NCKAP5: variants seen among roughly 807,000 people sequenced by gnomAD.
The protein encoded by NCKAP5 is NCK associated protein 5.
In NCKAP5, 92 loss-of-function variants were observed where a neutral mutation model predicts 167.0. The observed-to-expected ratio is 0.55, with a 90% CI of 0.47 to 0.66. The LOEUF is 0.66. Ranked by LOEUF, NCKAP5 falls within the 30% of genes least tolerant of loss-of-function variation. The pLI, the probability that NCKAP5 is intolerant of heterozygous loss-of-function variation, is 0.00. For missense variants in NCKAP5, 2,378 were observed against 2,315.0 expected, an observed-to-expected ratio of 1.03 and a Z score of -0.56; for synonymous variants, 891 against 877.4, an observed-to-expected ratio of 1.02 and a Z score of -0.27.
the NCKAP5 span, among the ~76,000 whole-genome samples, chr2:133,611,919 T>C: frequency 6.6e-6 from 1 of 152,210 alleles, no homozygotes; most frequent in Non-Finnish European, 1.5e-5. Flanking sequence ...AAAATATGGA[T>C]GTACTTTGGA....
At chr2:133,546,748 A>G (rs1686718141) in intron 2 of NCKAP5, among the ~76,000 whole-genome samples, 1 of 152,224 alleles carries the variant, frequency 6.6e-6, no homozygotes, top group African/African-American at 2.4e-5. Context: ...AAACTCTGAG[A>G]GACATAATGA....
At chr2:133,096,940 C>T (rs1374498603) in intron 6 of NCKAP5, among the ~76,000 whole-genome samples, 2 of 152,174 alleles carry the variant, frequency 1.3e-5, no homozygotes, top group African/African-American at 4.8e-5. Context: ...TAAGCAGAGA[C>T]TCTCTATACA....
At chr2:133,396,502 C>T (rs368817520) in intron 3 of NCKAP5, among the ~76,000 whole-genome samples, 10 of 152,232 alleles carry the variant, frequency 6.6e-5, no homozygotes, top group African/African-American at 2.4e-4. Flanking sequence ...TTTGAAGATA[C>T]TAGTTAAGAC....
chr2:132,728,487 GA>G (rs140854508), intron 18 of NCKAP5, among the ~76,000 whole-genome samples: 1 of 152,120 alleles, frequency 6.6e-6, no homozygotes, highest in Non-Finnish European at 1.5e-5. Context: ...TGAAAAAATA[GA>G]AAAAACATCA....
At chr2:132,696,611 TGTA>T (rs1352868772) in intron 19 of NCKAP5, among the ~76,000 whole-genome samples, 1 of 152,198 alleles carries the variant, frequency 6.6e-6, no homozygotes, top group African/African-American at 2.4e-5. Context: ...TTCCAGAGCC[TGTA>T]GTCTTTTCAC....
At chr2:133,434,628 C>T (rs1690359023) in intron 3 of NCKAP5, among the ~76,000 whole-genome samples, 1 of 152,182 alleles carries the variant, frequency 6.6e-6, no homozygotes, top group South Asian at 2.1e-4. Flanking sequence ...TACAATAGTG[C>T]CAGGCACATG....
the NCKAP5 span, among the ~76,000 whole-genome samples, chr2:133,574,638 A>G: frequency 6.8e-6 from 1 of 147,908 alleles, no homozygotes; most frequent in South Asian, 2.1e-4. Context: ...CACACACACA[A>G]GCACATGTGC....
At chr2:133,480,368 CCAG>C (rs1680317346) in intron 3 of NCKAP5, among the ~76,000 whole-genome samples, 1 of 152,198 alleles carries the variant, frequency 6.6e-6, no homozygotes, top group Admixed American at 6.5e-5. Context: ...CAAACACACT[CCAG>C]CTTCTGTGAA....
intron 5 of NCKAP5, among the ~76,000 whole-genome samples, chr2:133,157,951 T>C (rs1045464163): frequency 6.6e-6 from 1 of 152,200 alleles, no homozygotes; most frequent in Non-Finnish European, 1.5e-5. Flanking sequence ...GTTAATTCTC[T>C]ACCTCATGAA....
At chr2:133,447,518 T>TC (rs1691277867) in intron 3 of NCKAP5, among the ~76,000 whole-genome samples, 1 of 143,488 alleles carries the variant, frequency 7.0e-6, no homozygotes, top group Non-Finnish European at 1.5e-5. Flanking sequence ...CCCCTTCCTT[T>TC]CCCTTCCTTT....
chr2:133,138,537 A>G (rs1574150266), intron 5 of NCKAP5, among the ~76,000 whole-genome samples: 1 of 152,198 alleles, frequency 6.6e-6, no homozygotes, highest in Non-Finnish European at 1.5e-5. Context: ...TGTCATTTTC[A>G]CATCATGATT....
the NCKAP5 span, among the ~76,000 whole-genome samples, chr2:133,645,017 C>T: frequency 6.6e-6 from 1 of 152,054 alleles, no homozygotes; most frequent in Non-Finnish European, 1.5e-5. Flanking sequence ...GTGGCAGCTG[C>T]AAAGGGAACT....
chr2:133,220,198 T>C (rs957025767), intron 4 of NCKAP5, among the ~76,000 whole-genome samples: 1 of 152,236 alleles, frequency 6.6e-6, no homozygotes, highest in Non-Finnish European at 1.5e-5. Flanking sequence ...CATCACTGTT[T>C]TGTTTTGTTT....
At chr2:132,853,749 A>G (rs1187147430) in intron 11 of NCKAP5, among the ~76,000 whole-genome samples, 1 of 152,206 alleles carries the variant, frequency 6.6e-6, no homozygotes, top group Non-Finnish European at 1.5e-5. Context: ...CAATTCCAAG[A>G]CAGAACCTAT....
At chr2:132,849,292 G>A (rs1688905740) in intron 11 of NCKAP5, among the ~76,000 whole-genome samples, 1 of 151,980 alleles carries the variant, frequency 6.6e-6, no homozygotes. Flanking sequence ...CTTAATCCAG[G>A]GCATTTCCAA....
chr2:132,903,045 T>G lies in NCKAP5; in HGVS notation c.580-24129A>C, dbSNP rs919250710. Among the ~76,000 whole-genome samples, 28 of 152,078 alleles carry G rather than the reference T, an allele frequency of 1.8e-4. 1 individual carries two copies. Among genetic ancestry groups the G allele is most frequent in the Non-Finnish European group, 1.5e-5 (1 of 68,018 alleles). ...GCCTCTTTACCATTCAGTTTCCCAATCTATAAAATGAGAGTAAAAACAGTA... is the reference window on the plus strand; with the variant it reads ...GCCTCTTTACCATTCAGTTTCCCAAGCTATAAAATGAGAGTAAAAACAGTA... On this transcript the variant is annotated intron_variant, in intron 8 of 19. Coordinates refer to ENST00000409261, the MANE Select transcript of NCKAP5 (RefSeq NM_207363.3).
intron 3 of NCKAP5, among the ~76,000 whole-genome samples, chr2:133,504,155 A>G (rs1045175189): frequency 3.9e-5 from 6 of 151,992 alleles, no homozygotes; most frequent in African/African-American, 1.4e-4. Context: ...CCAATTTAAA[A>G]TGCATTAAAA....
intron 19 of NCKAP5, among the ~76,000 whole-genome samples, chr2:132,699,732 A>T (rs541541525): frequency 1.3e-5 from 2 of 152,280 alleles, no homozygotes; most frequent in South Asian, 4.2e-4. Flanking sequence ...TCTATCATTG[A>T]TGGACATCTG....
chr2:133,439,131 T>C (rs1273703489), intron 3 of NCKAP5, among the ~76,000 whole-genome samples: 4 of 152,236 alleles, frequency 2.6e-5, no homozygotes, highest in African/African-American at 4.8e-5. Flanking sequence ...AGTGAGCTGC[T>C]GAAAGGCAAT....
Sources: gnomAD v4.1 joint callset for allele counts (sites outside exome capture counted in the v4.1 genomes callset) on GRCh38, gnomAD v4.1.1 for gene constraint, MANE v1.5 for transcripts, NCBI Gene and HGNC (gene_info 2026-07-23, HGNC 2026-07-21) for gene names.